Variants in SH2B2 observed in about 807,000 individuals in gnomAD.
The protein encoded by SH2B2 is SH2B adaptor protein 2.
Under a neutral mutation model 35.7 loss-of-function variants are expected in SH2B2, and 37 were observed. The ratio of observed to expected loss-of-function variants is 1.04; its 90% CI spans 0.80 to 1.36. SH2B2 has a LOEUF of 1.36. SH2B2 is among the 40% of genes most tolerant of loss of function. The pLI, the probability that SH2B2 is intolerant of heterozygous loss-of-function variation, is 0.00. For missense variants in SH2B2, 852 were observed against 817.7 expected (o/e 1.04, Z -0.51); for synonymous variants, 383 against 376.4 (o/e 1.02, Z -0.20).
At chr7:102,294,379 G>A (rs1293943530) in intron 1 of SH2B2, among the ~76,000 whole-genome samples, 3 of 152,170 alleles carry the variant, frequency 2.0e-5, no homozygotes, top group Non-Finnish European at 2.9e-5. Flanking sequence ...TGAATAGTCG[G>A]AAGAGCAAAG....
At chr7:102,309,405 G>T in intron 4 of SH2B2, 1 of 319,576 alleles carries the variant, frequency 3.1e-6, no homozygotes, top group Non-Finnish European at 6.0e-6. Flanking sequence ...CTGTTGCCCA[G>T]GCTGGAGTGC....
intron 2 of SH2B2, among the ~76,000 whole-genome samples, chr7:102,304,657 ACTGACGGAC>A (rs1793321640): frequency 6.6e-6 from 1 of 152,204 alleles, no homozygotes; most frequent in South Asian, 2.1e-4. Context: ...CTGGACCAGG[ACTGACGGAC>A]CTCAGATTCC....
intron 2 of SH2B2, among the ~76,000 whole-genome samples, chr7:102,303,192 G>A (rs1793261426): frequency 6.6e-6 from 1 of 151,776 alleles, no homozygotes; most frequent in Admixed American, 6.6e-5. Context: ...ACTCCAGCCT[G>A]GGCAGCAAGA....
intron 1 of SH2B2, among the ~76,000 whole-genome samples, chr7:102,293,713 A>T (rs1160822132): frequency 1.3e-5 from 2 of 152,066 alleles, no homozygotes; most frequent in Admixed American, 6.5e-5. Flanking sequence ...ATGGAATGAC[A>T]GCCCAGTCTT....
chr7:102,305,423 G>A (rs1396403136), intron 2 of SH2B2, among the ~76,000 whole-genome samples: 2 of 151,974 alleles, frequency 1.3e-5, no homozygotes, highest in African/African-American at 2.4e-5. Flanking sequence ...GCACCACCAC[G>A]CCTGGCTAAT....
At chr7:102,300,418 A>G in intron 1 of SH2B2, 104 bp from the exon 2 acceptor site, 1 of 1,354,416 alleles carries the variant, frequency 7.4e-7, no homozygotes, top group East Asian at 2.6e-5. Flanking sequence ...ATGTACACAC[A>G]CACCCACACA....
At chr7:102,314,282 GGTCCGA>G (rs1460876378) in intron 4 of SH2B2, 48 bp from the exon 5 acceptor site, 13 of 398,472 alleles carry the variant, frequency 3.3e-5, no homozygotes, top group Non-Finnish European at 4.0e-5. Flanking sequence ...AGTAGCCTGT[GGTCCGA>G]GTCCAAGTCC....
At chr7:102,308,950 T>A in intron 4 of SH2B2, 44 bp downstream of exon 4, 1 of 1,482,574 alleles carries the variant, frequency 6.7e-7, no homozygotes, top group Non-Finnish European at 9.4e-7. Flanking sequence ...AGGCTGGGTA[T>A]ATCCTTGGTC....
intron 6 of SH2B2, among the ~76,000 whole-genome samples, chr7:102,315,757 A>G (rs1189355896): frequency 6.7e-6 from 1 of 149,622 alleles, no homozygotes; most frequent in Non-Finnish European, 1.5e-5. Flanking sequence ...AAAAAAAAAA[A>G]AAAAAGAAAA....
chr7:102,286,392 G>A (rs998743415), upstream of SH2B2, among the ~76,000 whole-genome samples: 7 of 152,218 alleles, frequency 4.6e-5, no homozygotes, highest in African/African-American at 1.2e-4. Flanking sequence ...TCTGGCCACA[G>A]CGGCGGCTCC....
At chr7:102,287,829 GGGCCTT>G (rs1272268661) in intron 1 of SH2B2, among the ~76,000 whole-genome samples, 1 of 152,220 alleles carries the variant, frequency 6.6e-6, no homozygotes, top group East Asian at 1.9e-4. Flanking sequence ...CCCGAAGTGG[GGGCCTT>G]CAGGGAGGGA....
intron 3 of SH2B2, among the ~76,000 whole-genome samples, chr7:102,308,557 G>C (rs1227355004): frequency 6.6e-6 from 1 of 152,248 alleles, no homozygotes. Context: ...TAAGGCAGAG[G>C]AGCTGAGATC....
At chr7:102,287,708 G>T (rs1792510245) in intron 1 of SH2B2, among the ~76,000 whole-genome samples, 1 of 152,166 alleles carries the variant, frequency 6.6e-6, no homozygotes, top group African/African-American at 2.4e-5. Flanking sequence ...CTCCATTCAG[G>T]CCCTTGGGCC....
intron 2 of SH2B2, 25 bp downstream of exon 2, chr7:102,301,304 A>AGCCTGGGGGGACCAGAGGAGGC (rs1554553847): frequency 1.9e-6 from 3 of 1,586,348 alleles, no homozygotes; most frequent in Non-Finnish European, 2.6e-6. Context: ...AATCCCACCT[A>AGCCTGGGGGGACCAGAGGAGGC]GCCTGGGGGG....
At position 102,301,264 on chromosome 7, in the gene SH2B2, C is replaced by T. The variant is rs782678678; in HGVS notation, c.714C>T (p.Phe238=). 6 of 1,604,332 alleles carry T rather than the reference C, an allele frequency of 3.7e-6. No individual in the cohort carries two copies. The highest frequency in any genetic ancestry group is 1.1e-5 in the South Asian group (1 of 89,878). ...CCGAGGAACGCTTCCGCCTGGAGTTCTTCGTGCCGCCCAAAGTGAGTTACC... is the reference window on the plus strand; with the variant it reads ...CCGAGGAACGCTTCCGCCTGGAGTTTTTCGTGCCGCCCAAAGTGAGTTACC... The part of the protein sequence containing the change: ...AVAEERFRLE[F]FVPPKASRPK... Residue 238 remains phenylalanine, a synonymous_variant, in exon 2 of 9, where the codon TTC becomes TTT. Transcript: ENST00000444095.
intron 6 of SH2B2, among the ~76,000 whole-genome samples, chr7:102,315,758 A>AAAAAG (rs1563567092): frequency 6.1e-5 from 9 of 148,304 alleles, no homozygotes; most frequent in African/African-American, 2.0e-4. Context: ...AAAAAAAAAA[A>AAAAAG]AAAAGAAAAG....
At chr7:102,308,147 C>T (rs1490219804) in intron 3 of SH2B2, among the ~76,000 whole-genome samples, 1 of 152,246 alleles carries the variant, frequency 6.6e-6, no homozygotes, top group Non-Finnish European at 1.5e-5. Context: ...GACCTGGGTT[C>T]AGGCCCTGGC....
chr7:102,302,507 C>G (rs551544703), intron 2 of SH2B2, among the ~76,000 whole-genome samples: 1 of 152,362 alleles, frequency 6.6e-6, no homozygotes, highest in South Asian at 2.1e-4. Flanking sequence ...AGTAGTGTCA[C>G]GTCTTCTCCA....
chr7:102,292,209 G>GAGAC (rs1459946983), intron 1 of SH2B2, among the ~76,000 whole-genome samples: 10 of 152,044 alleles, frequency 6.6e-5, no homozygotes, highest in African/African-American at 2.4e-4. Flanking sequence ...GCAACATAGT[G>GAGAC]AGACCCCCAT....
Sources: allele counts gnomAD v4.1 joint callset (sites outside exome capture counted in the v4.1 genomes callset), GRCh38; gene constraint gnomAD v4.1.1; transcripts MANE v1.5; gene names NCBI Gene and HGNC (gene_info 2026-07-23, HGNC 2026-07-21).